S100A13: variants seen among roughly 807,000 people sequenced by gnomAD.
S100A13 encodes S100 calcium binding protein A13, also known as protein S100-A13.
Under a neutral mutation model 8.2 loss-of-function variants are expected in S100A13, and 6 were observed. That is an observed-to-expected ratio of 0.73 (90% CI 0.40 to 1.44). The LOEUF (loss-of-function observed/expected upper bound fraction) is 1.44, where lower values mean the gene tolerates loss of function less well. S100A13 is among the 40% of genes most tolerant of loss of function. The pLI, the probability that S100A13 is intolerant of heterozygous loss-of-function variation, is 0.02. For missense variants in S100A13, 114 were observed against 113.6 expected (o/e 1.00, Z -0.02); for synonymous variants, 39 against 45.9 (o/e 0.85, Z 0.61).
chr1:153,631,629 C>T (rs1668013578), upstream of S100A13: 3 of 1,613,408 alleles, frequency 1.9e-6, no homozygotes, highest in South Asian at 1.1e-5. Context: ...TCCTCAACCA[C>T]CCCCTTGCCT....
chr1:153,630,456 C>T (rs923749055), upstream of S100A13: 9 of 1,593,814 alleles, frequency 5.6e-6, no homozygotes, highest in African/African-American at 8.0e-5. Context: ...TCACCTAGAC[C>T]CCAGGTACTC....
upstream of S100A13, chr1:153,631,463 T>C (rs775723450): frequency 2.5e-6 from 4 of 1,581,542 alleles, no homozygotes; most frequent in East Asian, 2.3e-5. Flanking sequence ...TGCTTTATTA[T>C]AGGCACTGAA....
At chr1:153,625,965 C>G (rs903863440) in intron 2 of S100A13, among the ~76,000 whole-genome samples, 1 of 152,268 alleles carries the variant, frequency 6.6e-6, no homozygotes, top group East Asian at 1.9e-4. Context: ...GTCAGGAGTT[C>G]GAGACCAGCC....
In S100A13 at chr1:153,627,483, C is replaced by T. The variant is rs1667736673; in HGVS notation, c.-62G>A. The T allele has an allele frequency of 6.6e-6, 1 of 152,500 alleles. No homozygotes were observed. Among genetic ancestry groups the T allele is most frequent in the African/African-American group, 2.4e-5 (1 of 41,426 alleles). 9.4% of individuals were successfully genotyped at this position (152,500 alleles called of 1,614,324 possible). ...CTCCAGGGTCAGCCATGAGACTCAC[C>T]CGGCAAGGAGATGGGGTAGAGTGAG... On this transcript the variant is annotated splice_region_variant and 5_prime_UTR_variant, in exon 1 of 3. Coordinates refer to ENST00000476133, the MANE Select transcript of S100A13 (RefSeq NM_001024211.2).
intron 2 of S100A13, among the ~76,000 whole-genome samples, chr1:153,625,343 T>C (rs1423161867): frequency 6.6e-6 from 1 of 152,230 alleles, no homozygotes; most frequent in African/African-American, 2.4e-5. Context: ...TCAACGTGCC[T>C]GTGGATTTTC....
At chr1:153,623,401 CCTTTGAGACAGTCTCCCT>C (rs770392965) in intron 2 of S100A13, among the ~76,000 whole-genome samples, 64 of 136,326 alleles carry the variant, frequency 4.7e-4, no homozygotes, top group Non-Finnish European at 8.6e-4. Flanking sequence ...TTTTTTTTTT[CCTTTGAGACAGTCTCCCT>C]CTGTTGCCCA....
intron 2 of S100A13, among the ~76,000 whole-genome samples, chr1:153,621,412 C>T (rs77301297): frequency 0.021 from 3,180 of 151,976 alleles, 101 homozygotes; most frequent in African/African-American, 0.073. Context: ...CCACCTCAGC[C>T]TCCAAAAGGT....
chr1:153,628,024 A>C (rs1371132657), upstream of S100A13: 1 of 1,549,766 alleles, frequency 6.5e-7, no homozygotes, highest in South Asian at 1.2e-5. Flanking sequence ...GTGGGTTCTC[A>C]GACTCCCAAG....
chr1:153,627,909 T>C, upstream of S100A13: 1 of 912,922 alleles, frequency 1.1e-6, no homozygotes, highest in Non-Finnish European at 1.6e-6. Flanking sequence ...CCACAAAGGA[T>C]GCTACAGACC....
chr1:153,628,258 C>A (rs1667793162), upstream of S100A13: 3 of 1,529,374 alleles, frequency 2.0e-6, no homozygotes, highest in Non-Finnish European at 2.6e-6. Flanking sequence ...AGGAACGGGG[C>A]AAGCAAGGCT....
chr1:153,631,172 C>T (rs41302536), upstream of S100A13: 2,286 of 372,648 alleles, frequency 6.1e-3, 18 homozygotes, highest in Non-Finnish European at 9.1e-3. Flanking sequence ...TTTCATTCAA[C>T]TGGCATGAAG....
intron 2 of S100A13, among the ~76,000 whole-genome samples, chr1:153,620,690 CAAGTAACCTAGAGTTACTTGTAATTT>C (rs1667185431): frequency 6.6e-6 from 1 of 152,194 alleles, no homozygotes; most frequent in South Asian, 2.1e-4. Context: ...TTATGTATTA[CAAGTAACCTAGAGTTACTTGTAATTT>C]AAAGTATACA....
chr1:153,618,829 G>C lies in S100A13; in HGVS notation c.*66C>G, dbSNP rs1667049948. 6.8e-7 allele frequency: 1 copy of C among 1,461,202 alleles called. No homozygotes were observed. Among genetic ancestry groups the C allele is most frequent in the Admixed American group, 2.0e-5 (1 of 49,516 alleles). 90.5% of individuals were successfully genotyped at this position (1,461,202 alleles called of 1,614,324 possible). On this transcript the variant is annotated 3_prime_UTR_variant, in exon 3 of 3. Coordinates refer to ENST00000476133, the MANE Select transcript of S100A13 (RefSeq NM_001024211.2). ...GTTTCAAGGAGGAAGCTTTATTTGG[G>C]AAGAGTGCGGTTCTGCTCGGCCCTG...
Position 153,626,457 on chromosome 1 carries a change from G to C in S100A13, c.16C>G (p.Leu6Val). The change falls in exon 2 of 3, where the codon CTG (leucine) becomes GTG (valine). Residue 6 changes from leucine to valine, a missense_variant. Physicochemically the swap from Leu to Val is conservative, Grantham distance 32 (BLOSUM62 1). Transcript: ENST00000476133. MAAEP[L>V]TELEESIETV... ...TCAATGGACTCCTCTAGCTCTGTCA[G>C]TGGTTCTGCTGCCATTAGGACCCTG... is the stretch of plus-strand genomic sequence containing the variant. 1.2e-6 allele frequency: 2 copies of C among 1,614,210 alleles called. No homozygotes were observed. The highest frequency in any genetic ancestry group is 1.7e-6 in the Non-Finnish European group (2 of 1,180,034).
At chr1:153,632,406 G>A (rs1668072748), upstream of S100A13, among the ~76,000 whole-genome samples, 1 of 151,296 alleles carries the variant, frequency 6.6e-6, no homozygotes, top group Non-Finnish European at 1.5e-5. Context: ...CGAGCAGCTG[G>A]GACTACAGGC....
chr1:153,622,566 C>A (rs1571283964), intron 2 of S100A13, among the ~76,000 whole-genome samples: 1 of 152,302 alleles, frequency 6.6e-6, no homozygotes, highest in Admixed American at 6.5e-5. Flanking sequence ...AATCCCAACA[C>A]TTTGGGAGGC....
intron 2 of S100A13, among the ~76,000 whole-genome samples, chr1:153,624,664 C>A (rs1280831501): frequency 6.6e-6 from 1 of 152,122 alleles, no homozygotes; most frequent in African/African-American, 2.4e-5. Flanking sequence ...TCTGGCTGGG[C>A]ACAGTGGCTC....
chr1:153,632,394 C>T (rs1571305224), upstream of S100A13, among the ~76,000 whole-genome samples: 1 of 150,820 alleles, frequency 6.6e-6, no homozygotes, highest in East Asian at 2.0e-4. Context: ...GCCTCAGCCT[C>T]CCGAGCAGCT....
intron 2 of S100A13, 64 bp downstream of exon 2, chr1:153,626,256 C>T (rs1667612564): frequency 1.9e-5 from 28 of 1,469,650 alleles, no homozygotes; most frequent in Non-Finnish European, 2.5e-5. Context: ...GGCACCATCA[C>T]GTCCTAAACA....
Sources: allele counts gnomAD v4.1 joint callset (sites outside exome capture counted in the v4.1 genomes callset), GRCh38; gene constraint gnomAD v4.1.1; transcripts MANE v1.5; gene names NCBI Gene and HGNC (gene_info 2026-07-23, HGNC 2026-07-21).